The following RFX4 variants were observed in gnomAD, a reference collection of about 807,000 sequenced individuals.
RFX4 encodes the protein regulatory factor X4, also known as transcription factor RFX4.
In RFX4, 10 loss-of-function variants were observed where a neutral mutation model predicts 95.0. The observed-to-expected ratio is 0.11, with a 90% CI of 0.06 to 0.18. The LOEUF is 0.18. Among genes scored for constraint, RFX4 ranks in the 10% least tolerant of loss-of-function variants. The pLI is 1.00. For missense variants in RFX4, 640 were observed against 922.0 expected, an observed-to-expected ratio of 0.69 and a Z score of 3.96; for synonymous variants, 321 against 340.7, an observed-to-expected ratio of 0.94 and a Z score of 0.64.
intron 2 of RFX4, among the ~76,000 whole-genome samples, chr12:106,614,555 C>G (rs2137219847): frequency 6.7e-6 from 1 of 150,334 alleles, no homozygotes; most frequent in South Asian, 2.1e-4. Context: ...ATTGCCCAGG[C>G]TGGAGTGCAG....
At chr12:106,703,902 C>A (rs764153984) in intron 8 of RFX4, among the ~76,000 whole-genome samples, 1 of 151,548 alleles carries the variant, frequency 6.6e-6, no homozygotes, top group Non-Finnish European at 1.5e-5. Flanking sequence ...CCTGTCTCTA[C>A]GAAAAATACA....
At chr12:106,649,464 G>A (rs915107055) in intron 3 of RFX4, among the ~76,000 whole-genome samples, 1 of 152,180 alleles carries the variant, frequency 6.6e-6, no homozygotes, top group African/African-American at 2.4e-5. Flanking sequence ...GGAACAAAAC[G>A]TGGGCTGAAA....
At chr12:106,607,135 C>T (rs79462485) in intron 1 of RFX4, among the ~76,000 whole-genome samples, 1 of 152,112 alleles carries the variant, frequency 6.6e-6, no homozygotes, top group Non-Finnish European at 1.5e-5. Context: ...ACCACACTGT[C>T]CAAAAGCCTG....
At chr12:106,743,423 C>T (rs2042839746) in intron 15 of RFX4, among the ~76,000 whole-genome samples, 1 of 152,168 alleles carries the variant, frequency 6.6e-6, no homozygotes, top group Non-Finnish European at 1.5e-5. Flanking sequence ...GGGTTTCTCA[C>T]CCAAGCCAGT....
intron 13 of RFX4, among the ~76,000 whole-genome samples, chr12:106,722,130 C>G (rs945528374): frequency 6.6e-6 from 1 of 152,240 alleles, no homozygotes; most frequent in African/African-American, 2.4e-5. Context: ...TTGATGACTT[C>G]CAGTTCAGCA....
intron 6 of RFX4, 143 bp downstream of exon 6, chr12:106,687,240 C>T (rs1257297820): frequency 2.5e-5 from 19 of 747,178 alleles, no homozygotes; most frequent in East Asian, 8.2e-5. Context: ...ATTGCAAAAC[C>T]GTGAGTTTAA....
chr12:106,602,097 C>T (rs892828437), intron 1 of RFX4, among the ~76,000 whole-genome samples: 5 of 152,194 alleles, frequency 3.3e-5, no homozygotes, highest in African/African-American at 9.7e-5. Context: ...GCACCCCAGC[C>T]TCGGAGTCAG....
Position 106,696,161 on chromosome 12 carries a change from C to T in RFX4, c.670-122C>T. On this transcript the variant is annotated intron_variant, in intron 7 of 17. Coordinates refer to ENST00000392842, the MANE Select transcript of RFX4 (RefSeq NM_213594.3). ...CAACATGGCAGGCTGGGGGTGACTT[C>T]TGCTGCCGCAGGGGAAGTAGATGAC... 2.6e-6 allele frequency: 3 copies of T among 1,171,982 alleles called. 1 individual carries two copies. The South Asian group carries it at 4.4e-5, about 17-fold the overall frequency. 72.6% of individuals were successfully genotyped at this position (1,171,982 alleles called of 1,614,324 possible). A position where few individuals can be genotyped will look rare whatever the true frequency, so the allele number is the denominator to read the frequency against.
chr12:106,681,764 G>A (rs899865615), intron 4 of RFX4, among the ~76,000 whole-genome samples: 3 of 152,098 alleles, frequency 2.0e-5, no homozygotes, highest in Non-Finnish European at 4.4e-5. Flanking sequence ...ACGGGGTGAA[G>A]CATAGAGTGG....
At chr12:106,699,481 T>C (rs970373600) in intron 8 of RFX4, among the ~76,000 whole-genome samples, 2 of 152,178 alleles carry the variant, frequency 1.3e-5, no homozygotes, top group South Asian at 2.1e-4. Flanking sequence ...TTTGTTCTAT[T>C]GATTAGCAAT....
chr12:106,641,949 A>C (rs1180688887), intron 3 of RFX4, among the ~76,000 whole-genome samples: 2 of 134,074 alleles, frequency 1.5e-5, no homozygotes, highest in East Asian at 2.0e-4. Flanking sequence ...CTATGTCTAT[A>C]TCTATCTATA....
Position 106,627,449 on chromosome 12 carries a change from T to C in RFX4, c.131-11883T>C, listed in dbSNP as rs570186994. ...ACTTGGGAGGCTGAGGCAGGAGGATTCCGTGAACCTGGGAGGTGAAGAGGT... is the reference window on the plus strand; with the variant it reads ...ACTTGGGAGGCTGAGGCAGGAGGATCCCGTGAACCTGGGAGGTGAAGAGGT... On this transcript the variant is annotated intron_variant, in intron 2 of 17. Coordinates refer to ENST00000392842, the MANE Select transcript of RFX4 (RefSeq NM_213594.3). 4.0e-3 allele frequency among the ~76,000 whole-genome samples: 603 copies of C among 152,168 alleles called. 4 individuals carry two copies. Among genetic ancestry groups the C allele is most frequent in the African/African-American group, 0.014 (582 of 41,516 alleles).
chr12:106,600,113 A>G (rs999617468), intron 1 of RFX4, among the ~76,000 whole-genome samples: 22 of 152,196 alleles, frequency 1.4e-4, no homozygotes, highest in African/African-American at 5.3e-4. Context: ...TGCATCTCCT[A>G]TAGCATCTCA....
At chr12:106,667,824 T>C (rs1378646334) in intron 4 of RFX4, among the ~76,000 whole-genome samples, 2 of 152,204 alleles carry the variant, frequency 1.3e-5, no homozygotes, top group Non-Finnish European at 2.9e-5. Flanking sequence ...GCTTCTTATA[T>C]ACAGAAAACC....
chr12:106,696,397 G>A lies in RFX4; in HGVS notation c.784G>A (p.Ala262Thr), dbSNP rs753024568. 1.2e-6 allele frequency: 2 copies of A among 1,613,994 alleles called. No homozygotes were observed. The highest frequency in any genetic ancestry group is 1.7e-6 in the Non-Finnish European group (2 of 1,180,024). ...VGVCDSILYK[A>T]ISGVLMPTVL... Reference sequence around the variant, plus strand: ...CGTGTGTGACTCCATCCTCTACAAAGCTATCTCCGGGGTGCTGATGCCCAC... The same window carrying A: ...CGTGTGTGACTCCATCCTCTACAAAACTATCTCCGGGGTGCTGATGCCCAC... The change falls in exon 8 of 18, where the codon GCT (alanine) becomes ACT (threonine). Residue 262 changes from alanine (A) to threonine (T), a missense_variant. Around this residue, in one of 7 missense-constraint regions of RFX4, gnomAD observed 96 missense variants for 183.7 expected, o/e 0.52. Coordinates refer to ENST00000392842, the MANE Select transcript of RFX4 (RefSeq NM_213594.3).
rs140293247 is a variant in RFX4 at position 106,719,366 on chromosome 12, G to A, written c.1139-594G>A. 2.4e-4 allele frequency among the ~76,000 whole-genome samples: 36 copies of A among 152,300 alleles called. No homozygotes were observed. In the East Asian group the frequency reaches 2.7e-3, roughly 11 times the overall value. On this transcript the variant is annotated intron_variant, in intron 11 of 17. Transcript: ENST00000392842. ...TATCACATGTGCCCTACCCTGGGCA[G>A]AGAGCAAGAGAGCAGCAATGCCTCA... is the stretch of plus-strand genomic sequence containing the variant.
chr12:106,751,879 T>C (rs1364914335), intron 17 of RFX4, among the ~76,000 whole-genome samples: 44 of 150,390 alleles, frequency 2.9e-4, no homozygotes, highest in Middle Eastern at 6.8e-3. Context: ...TTCTCCCATT[T>C]TGTAGGTTGC....
chr12:106,599,561 C>T (rs977975088), intron 1 of RFX4, among the ~76,000 whole-genome samples: 6 of 152,044 alleles, frequency 3.9e-5, no homozygotes, highest in Non-Finnish European at 7.4e-5. Flanking sequence ...ATGATATTAG[C>T]GTCATCTCAG....
chr12:106,731,008 A>C (rs958530267), intron 13 of RFX4, among the ~76,000 whole-genome samples: 2 of 152,218 alleles, frequency 1.3e-5, no homozygotes, highest in African/African-American at 4.8e-5. Context: ...TCAAAAAAAA[A>C]AGTCTCTAAA....
Sources: allele counts gnomAD v4.1 joint callset (sites outside exome capture counted in the v4.1 genomes callset), GRCh38; gene constraint gnomAD v4.1.1; regional missense constraint gnomAD v4.1.1; transcripts MANE v1.5; gene names NCBI Gene and HGNC (gene_info 2026-07-23, HGNC 2026-07-21).